Variants in SEMA3E observed in about 807,000 individuals in gnomAD.
SEMA3E encodes the protein semaphorin-3E.
A neutral mutation model predicts 93.6 loss-of-function variants in SEMA3E; 49 were observed. The ratio of observed to expected loss-of-function variants is 0.52; its 90% CI spans 0.42 to 0.66. The LOEUF (loss-of-function observed/expected upper bound fraction) is 0.66, where lower values mean the gene tolerates loss of function less well. Ranked by LOEUF, SEMA3E falls within the 30% of genes least tolerant of loss-of-function variation. The probability of loss-of-function intolerance (pLI) is 0.00; values close to 1 mark genes in which losing one functional copy is unlikely to be tolerated. For synonymous variants in SEMA3E, 363 were observed against 330.7 expected, an observed-to-expected ratio of 1.10 and a Z score of -1.06; for missense variants, 906 against 964.8, an observed-to-expected ratio of 0.94 and a Z score of 0.81.
At chr7:83,452,826 T>C (rs113204461) in intron 4 of SEMA3E, among the ~76,000 whole-genome samples, 2,680 of 152,212 alleles carry the variant, frequency 0.018, 51 homozygotes, top group Middle Eastern at 0.031. Context: ...TGCAAGCTTC[T>C]GGAGACAGTG....
At chr7:83,461,037 A>G (rs1487251914) in intron 4 of SEMA3E, among the ~76,000 whole-genome samples, 2 of 152,116 alleles carry the variant, frequency 1.3e-5, no homozygotes. Context: ...TTCTTCTGCC[A>G]TGCCGCTTGA....
At chr7:83,485,289 C>T (rs1004965004) in intron 2 of SEMA3E, among the ~76,000 whole-genome samples, 1 of 152,194 alleles carries the variant, frequency 6.6e-6, no homozygotes, top group Non-Finnish European at 1.5e-5. Context: ...ATGTGCCAAG[C>T]ACTGCTCTTG....
intron 16 of SEMA3E, among the ~76,000 whole-genome samples, chr7:83,375,191 A>G (rs144674509): frequency 0.012 from 1,878 of 152,274 alleles, 44 homozygotes; most frequent in African/African-American, 0.041. Flanking sequence ...CTATAATTGA[A>G]GTAGAAATTC....
intron 1 of SEMA3E, chr7:83,612,627 T>G (rs1239585584): frequency 6.6e-6 from 1 of 152,138 alleles, no homozygotes; most frequent in African/African-American, 2.4e-5. Flanking sequence ...TTTTGATAAT[T>G]GTAGGTTCGT....
intron 14 of SEMA3E, among the ~76,000 whole-genome samples, chr7:83,387,815 T>G (rs1787910079): frequency 6.8e-6 from 1 of 146,056 alleles, no homozygotes; most frequent in African/African-American, 2.5e-5. Flanking sequence ...AATTCCAGAA[T>G]ATATATGTTT....
chr7:83,561,084 G>T (rs767435881), intron 1 of SEMA3E, among the ~76,000 whole-genome samples: 1 of 151,892 alleles, frequency 6.6e-6, no homozygotes, highest in Non-Finnish European at 1.5e-5. Flanking sequence ...TGCTAAGAAA[G>T]TACAAATGTT....
At chr7:83,543,567 G>A (rs1364451206) in intron 1 of SEMA3E, among the ~76,000 whole-genome samples, 1 of 152,024 alleles carries the variant, frequency 6.6e-6, no homozygotes, top group African/African-American at 2.4e-5. Context: ...AATAGCTTTA[G>A]AAATATAATG....
chr7:83,635,835 C>T (rs1793872114), intron 1 of SEMA3E, among the ~76,000 whole-genome samples: 2 of 141,730 alleles, frequency 1.4e-5, no homozygotes, highest in Non-Finnish European at 3.1e-5. Context: ...AAATGAAAGA[C>T]AAATGGCCAA....
intron 1 of SEMA3E, among the ~76,000 whole-genome samples, chr7:83,518,665 G>C (rs1346667646): frequency 6.6e-6 from 1 of 152,086 alleles, no homozygotes; most frequent in Non-Finnish European, 1.5e-5. Flanking sequence ...AAAAAGAGAG[G>C]TAAAGGTGCG....
chr7:83,465,740 G>T (rs1186493747), intron 4 of SEMA3E, among the ~76,000 whole-genome samples: 2 of 152,154 alleles, frequency 1.3e-5, no homozygotes, highest in Non-Finnish European at 2.9e-5. Context: ...GATTCTACAT[G>T]AGTATATTGT....
intron 1 of SEMA3E, among the ~76,000 whole-genome samples, chr7:83,638,450 G>A (rs1402356025): frequency 6.6e-6 from 1 of 152,086 alleles, no homozygotes; most frequent in Non-Finnish European, 1.5e-5. Flanking sequence ...ATCCATATTA[G>A]ATGTTTTCTC....
At chr7:83,556,629 T>G (rs2115821247) in intron 1 of SEMA3E, among the ~76,000 whole-genome samples, 1 of 151,908 alleles carries the variant, frequency 6.6e-6, no homozygotes, top group Non-Finnish European at 1.5e-5. Context: ...ATGGTGTAGA[T>G]TGCCATCTGG....
rs553935343 is a variant in SEMA3E, at chr7:83,398,905, T to C, written c.1366+1123A>G. Among the ~76,000 whole-genome samples, 4 of 151,972 alleles carry C rather than the reference T, an allele frequency of 2.6e-5. No homozygotes were observed. In the South Asian group the frequency reaches 8.3e-4, roughly 32 times the overall value. On this transcript the variant is annotated intron_variant, in intron 11 of 16. Transcript: ENST00000643230. ...TTTGCAGTGAGCCAAGATCGTGCCA[T>C]TGCACTCCAGCCTGGGCAACAGAGC... is the stretch of plus-strand genomic sequence containing the variant.
chr7:83,417,405 G>C (rs551768711), intron 5 of SEMA3E, among the ~76,000 whole-genome samples: 2 of 152,142 alleles, frequency 1.3e-5, no homozygotes, highest in Non-Finnish European at 2.9e-5. Context: ...GTATAATATG[G>C]TTTAATCATC....
chr7:83,500,608 T>TTTTTTTC, intron 1 of SEMA3E, among the ~76,000 whole-genome samples: 1 of 148,948 alleles, frequency 6.7e-6, no homozygotes, highest in South Asian at 2.2e-4. Flanking sequence ...TTTTTTTTTT[T>TTTTTTTC]TGAGATAAAG....
chr7:83,546,548 A>G (rs894493418), intron 1 of SEMA3E, among the ~76,000 whole-genome samples: 24 of 152,046 alleles, frequency 1.6e-4, no homozygotes, highest in Admixed American at 7.9e-4. Context: ...TACTCAAGAC[A>G]AATCTTACAT....
intron 4 of SEMA3E, among the ~76,000 whole-genome samples, chr7:83,458,028 T>A (rs894546852): frequency 1.3e-5 from 2 of 151,906 alleles, no homozygotes; most frequent in Non-Finnish European, 2.9e-5. Context: ...GTCACCAGTT[T>A]CTCTTGTGAC....
At chr7:83,459,852 C>G (rs963282343) in intron 4 of SEMA3E, among the ~76,000 whole-genome samples, 1 of 152,138 alleles carries the variant, frequency 6.6e-6, no homozygotes, top group South Asian at 2.1e-4. Context: ...GATGACATTA[C>G]CTTGTGAAAG....
chr7:83,365,736 C>G lies in SEMA3E; in HGVS notation c.*1850G>C, dbSNP rs1176505056. On this transcript the variant is annotated 3_prime_UTR_variant, in exon 17 of 17. Coordinates refer to ENST00000643230, the MANE Select transcript of SEMA3E (RefSeq NM_012431.3). ...TAAAATTCAGATACAGGAGAAAATC[C>G]TGCTTTCTTTCTTGTGTGTTAATGG... 6.6e-6 allele frequency: 1 copy of G among 152,012 alleles called. No individual in the cohort carries two copies. Among genetic ancestry groups the G allele is most frequent in the Non-Finnish European group, 1.5e-5 (1 of 67,994 alleles). 9.4% of individuals were successfully genotyped at this position (152,012 alleles called of 1,614,324 possible). A position where few individuals can be genotyped will look rare whatever the true frequency, so the allele number is the denominator to read the frequency against.
Sources: gnomAD v4.1 joint callset for allele counts (sites outside exome capture counted in the v4.1 genomes callset) on GRCh38, gnomAD v4.1.1 for gene constraint, MANE v1.5 for transcripts, NCBI Gene and HGNC (gene_info 2026-07-23, HGNC 2026-07-21) for gene names.